Variants in SNX24 observed in about 807,000 individuals in gnomAD.
SNX24 encodes sorting nexin-24.
A neutral mutation model predicts 28.7 loss-of-function variants in SNX24; 22 were observed. The observed-to-expected ratio is 0.77, with a 90% CI of 0.55 to 1.10. The LOEUF (loss-of-function observed/expected upper bound fraction) is 1.10, where lower values mean the gene tolerates loss of function less well. SNX24 is among the 50% of genes least tolerant of loss of function. SNX24 has a pLI of 0.00. For missense variants in SNX24, 221 were observed against 201.1 expected (o/e 1.10, Z -0.60); for synonymous variants, 69 against 71.5 (o/e 0.96, Z 0.18).
At chr5:123,010,359 C>G (rs1762549517), downstream of SNX24, among the ~76,000 whole-genome samples, 1 of 151,594 alleles carries the variant, frequency 6.6e-6, no homozygotes, top group Non-Finnish European at 1.5e-5. Flanking sequence ...GGCACAATCT[C>G]AACTCACTGC....
chr5:123,020,720 T>G (rs545947663), intron 5 of SNX24, among the ~76,000 whole-genome samples: 17 of 151,942 alleles, frequency 1.1e-4, no homozygotes, highest in Admixed American at 2.0e-4. Context: ...AAAAGCTAAG[T>G]GTGGATTAGC....
chr5:123,009,051 ATAT>A lies in SNX24; in HGVS notation c.*1306_*1308del. The A allele has an allele frequency of 2.0e-6, 2 of 985,424 alleles. No homozygotes were observed. The highest frequency in any genetic ancestry group is 2.4e-6 in the Non-Finnish European group (2 of 829,524). 61.0% of individuals were successfully genotyped at this position (985,424 alleles called of 1,614,324 possible). On this transcript the variant is annotated 3_prime_UTR_variant, in exon 7 of 7. Transcript: ENST00000261369. ...TTTAAGCCTGCTGCAAACTTTTAAA[ATAT>A]TATGATAGATTCTGTACTACATGTG...
At chr5:122,910,127 T>C (rs1434184390) in intron 1 of SNX24, among the ~76,000 whole-genome samples, 2 of 152,198 alleles carry the variant, frequency 1.3e-5, no homozygotes, top group African/African-American at 4.8e-5. Flanking sequence ...TAAAGTTTAC[T>C]TGGGGAAATG....
intron 2 of SNX24, 23 bp downstream of exon 2, chr5:122,936,840 G>C: frequency 1.3e-6 from 2 of 1,509,994 alleles, no homozygotes; most frequent in Non-Finnish European, 1.8e-6. Flanking sequence ...CTGTTTTTTT[G>C]TCTTTTCTCT....
chr5:122,881,576 T>G (rs1190773447), intron 1 of SNX24, among the ~76,000 whole-genome samples: 1 of 152,178 alleles, frequency 6.6e-6, no homozygotes, highest in Non-Finnish European at 1.5e-5. Flanking sequence ...GTGTTGATAT[T>G]CTGTCTTTCT....
chr5:122,966,007 T>G (rs1045225851), intron 3 of SNX24, among the ~76,000 whole-genome samples: 6 of 152,224 alleles, frequency 3.9e-5, no homozygotes, highest in Non-Finnish European at 5.9e-5. Flanking sequence ...ACTGTGTCAT[T>G]TGTACCTCTG....
At chr5:123,025,893 A>G (rs574236685) in intron 5 of SNX24, 2 of 1,614,108 alleles carry the variant, frequency 1.2e-6, no homozygotes, top group East Asian at 2.2e-5. Context: ...AGCGTTGGCC[A>G]TGCTGACCCA....
chr5:122,865,886 A>T (rs1755697704), intron 1 of SNX24, among the ~76,000 whole-genome samples: 1 of 152,230 alleles, frequency 6.6e-6, no homozygotes, highest in South Asian at 2.1e-4. Flanking sequence ...TCCCTAGAAG[A>T]GAAGGTAGAA....
At chr5:122,941,062 A>T (rs1226845472) in intron 2 of SNX24, among the ~76,000 whole-genome samples, 1 of 152,196 alleles carries the variant, frequency 6.6e-6, no homozygotes, top group Non-Finnish European at 1.5e-5. Flanking sequence ...CACCTTGTGT[A>T]AACAGCCTTT....
intron 5 of SNX24, chr5:123,025,732 TA>T: frequency 6.5e-7 from 1 of 1,534,794 alleles, no homozygotes. Context: ...TCACTGAAAG[TA>T]CTCTCAATAA....
Position 122,923,160 on chromosome 5 carries a change from A to G in SNX24, c.61-13574A>G, listed in dbSNP as rs1478831320. On this transcript the variant is annotated intron_variant, in intron 1 of 6. Coordinates refer to ENST00000261369, the MANE Select transcript of SNX24 (RefSeq NM_014035.4). ...AGCCTGGGCAACAAATCAAGACCTC[A>G]TCTCTACCAAAATATAAAAACTAAA... 3.9e-5 allele frequency among the ~76,000 whole-genome samples: 6 copies of G among 151,984 alleles called. No individual in the cohort carries two copies. The South Asian group carries it at 1.0e-3, about 26-fold the overall frequency.
At chr5:123,021,588 TAAG>T (rs1762763710) in intron 5 of SNX24, among the ~76,000 whole-genome samples, 1 of 152,210 alleles carries the variant, frequency 6.6e-6, no homozygotes, top group South Asian at 2.1e-4. Flanking sequence ...GGTTTCCTGA[TAAG>T]GACTGCTTCC....
intron 5 of SNX24, chr5:123,023,838 C>CACACACACACACACA (rs776662400): frequency 1.5e-6 from 2 of 1,311,200 alleles, no homozygotes; most frequent in Non-Finnish European, 2.1e-6. Flanking sequence ...ACACACACAC[C>CACACACACACACACA]CCTGCCAAAG....
chr5:123,008,081 C>A lies in SNX24; in HGVS notation c.*332C>A. The A allele has an allele frequency of 9.6e-7, 1 of 1,046,270 alleles. No homozygotes were observed. Among genetic ancestry groups the A allele is most frequent in the Non-Finnish European group, 1.2e-6 (1 of 869,418 alleles). 64.8% of individuals were successfully genotyped at this position (1,046,270 alleles called of 1,614,324 possible). On this transcript the variant is annotated 3_prime_UTR_variant, in exon 7 of 7. Transcript: ENST00000261369. ...AAGCCACTCTCTGCTTCAGTCGCACCATTTGCTAATTGAAAATCATATCCT... is the reference window on the plus strand; with the variant it reads ...AAGCCACTCTCTGCTTCAGTCGCACAATTTGCTAATTGAAAATCATATCCT...
At chr5:122,878,851 C>G (rs1369326419) in intron 1 of SNX24, among the ~76,000 whole-genome samples, 2 of 151,402 alleles carry the variant, frequency 1.3e-5, no homozygotes, top group African/African-American at 4.9e-5. Flanking sequence ...TGGTACACAG[C>G]TGTAATCCCC....
At chr5:122,931,295 G>A (rs762888549) in intron 1 of SNX24, among the ~76,000 whole-genome samples, 1 of 152,132 alleles carries the variant, frequency 6.6e-6, no homozygotes, top group Non-Finnish European at 1.5e-5. Flanking sequence ...TTTTAAAAAT[G>A]TAAATGTACT....
chr5:122,917,748 C>A (rs1758243305), intron 1 of SNX24, among the ~76,000 whole-genome samples: 1 of 152,114 alleles, frequency 6.6e-6, no homozygotes, highest in African/African-American at 2.4e-5. Context: ...AGTGGGTGCC[C>A]TAGCTTCATG....
intron 3 of SNX24, among the ~76,000 whole-genome samples, chr5:122,998,023 C>T (rs1036217259): frequency 6.6e-6 from 1 of 152,014 alleles, no homozygotes; most frequent in African/African-American, 2.4e-5. Flanking sequence ...TTTTGAGTTA[C>T]AGGCACTGAA....
chr5:122,991,751 G>C (rs1357044074), intron 3 of SNX24, among the ~76,000 whole-genome samples: 2 of 152,138 alleles, frequency 1.3e-5, no homozygotes, highest in Non-Finnish European at 2.9e-5. Flanking sequence ...GTGAGCCCCT[G>C]CACCCAGTCG....
Sources: gnomAD v4.1 joint callset for allele counts (sites outside exome capture counted in the v4.1 genomes callset) on GRCh38, gnomAD v4.1.1 for gene constraint, MANE v1.5 for transcripts, NCBI Gene and HGNC (gene_info 2026-07-23, HGNC 2026-07-21) for gene names.